PARD3: variants seen among roughly 807,000 people sequenced by gnomAD.
PARD3 encodes the protein partitioning defective 3 homolog.
In PARD3, 75 loss-of-function variants were observed where a neutral mutation model predicts 155.4. The ratio of observed to expected loss-of-function variants is 0.48; its 90% CI spans 0.40 to 0.58. The LOEUF (loss-of-function observed/expected upper bound fraction) is 0.58. Among genes scored for constraint, PARD3 ranks in the 20% least tolerant of loss-of-function variants. The pLI, the probability that PARD3 is intolerant of heterozygous loss-of-function variation, is 0.00. For missense variants in PARD3, 1,642 were observed against 1,721.7 expected, an observed-to-expected ratio of 0.95 and a Z score of 0.82; for synonymous variants, 576 against 610.5, an observed-to-expected ratio of 0.94 and a Z score of 0.83.
At chr10:34,117,548 T>G (rs1471710716) in intron 24 of PARD3, among the ~76,000 whole-genome samples, 1 of 152,208 alleles carries the variant, frequency 6.6e-6, no homozygotes, top group African/African-American at 2.4e-5. Flanking sequence ...ACTGGGTTGA[T>G]TCACACAGTG....
chr10:34,524,923 TGTAGTAACTAATTATTAC>T (rs937382033), intron 2 of PARD3, among the ~76,000 whole-genome samples: 7 of 152,200 alleles, frequency 4.6e-5, no homozygotes, highest in African/African-American at 1.7e-4. Flanking sequence ...AATGCGATGA[TGTAGTAACTAATTATTAC>T]GTAGACACAA....
chr10:34,674,150 T>C (rs1252919625), intron 2 of PARD3, among the ~76,000 whole-genome samples: 2 of 152,200 alleles, frequency 1.3e-5, no homozygotes, highest in Non-Finnish European at 2.9e-5. Flanking sequence ...TATCTGTATT[T>C]CTTCGTTAAC....
intron 5 of PARD3, among the ~76,000 whole-genome samples, chr10:34,413,142 TATACACACAC>T (rs1845275964): frequency 7.5e-6 from 1 of 132,464 alleles, no homozygotes; most frequent in Non-Finnish European, 1.7e-5. Context: ...TTCAGATATA[TATACACACAC>T]ACACACACAC....
At chr10:34,185,829 T>C (rs1453794978) in intron 22 of PARD3, among the ~76,000 whole-genome samples, 2 of 147,958 alleles carry the variant, frequency 1.4e-5, no homozygotes, top group Non-Finnish European at 3.0e-5. Context: ...TATTATATTA[T>C]ATTATATTAT....
intron 2 of PARD3, among the ~76,000 whole-genome samples, chr10:34,657,596 T>C (rs2093209126): frequency 6.6e-6 from 1 of 152,130 alleles, no homozygotes; most frequent in East Asian, 1.9e-4. Context: ...TGGAGTACAG[T>C]GGCACGATCT....
rs61309065 is a variant in PARD3, at chr10:34,120,439, A to T, written c.3541-699T>A. On this transcript the variant is annotated intron_variant, in intron 23 of 24. Coordinates refer to ENST00000374788, the MANE Select transcript of PARD3 (RefSeq NM_001184785.2). ...AGATGTTAATGCCAAAAATAAATAA[A>T]TAAATAAAAATTTGCTACAACTCTC... is the stretch of plus-strand genomic sequence containing the variant. Among the ~76,000 whole-genome samples the T allele has an allele frequency of 4.6e-3, 706 of 152,284 alleles. 4 individuals are homozygous for T. Among genetic ancestry groups the T allele is most frequent in the African/African-American group, 0.016 (675 of 41,548 alleles).
At chr10:34,554,976 A>C (rs2084872510) in intron 2 of PARD3, among the ~76,000 whole-genome samples, 1 of 152,230 alleles carries the variant, frequency 6.6e-6, no homozygotes, top group African/African-American at 2.4e-5. Context: ...AAGGGGATGG[A>C]GGGATGAATG....
intron 22 of PARD3, among the ~76,000 whole-genome samples, chr10:34,235,242 T>C (rs1196293318): frequency 1.3e-5 from 2 of 152,314 alleles, no homozygotes; most frequent in African/African-American, 2.4e-5. Context: ...CTTCTTAAAT[T>C]ACTAGGTTGA....
intron 22 of PARD3, among the ~76,000 whole-genome samples, chr10:34,214,369 T>C (rs1564488473): frequency 1.3e-5 from 2 of 152,216 alleles, no homozygotes; most frequent in South Asian, 4.1e-4. Flanking sequence ...AAAAATTTAA[T>C]AATTCTTCCT....
At chr10:34,602,795 A>G (rs774336614) in intron 2 of PARD3, among the ~76,000 whole-genome samples, 3 of 152,256 alleles carry the variant, frequency 2.0e-5, no homozygotes, top group Non-Finnish European at 2.9e-5. Flanking sequence ...CGTGAAAGTT[A>G]CATAGGTTCA....
intron 22 of PARD3, among the ~76,000 whole-genome samples, chr10:34,217,900 C>T (rs550488747): frequency 7.9e-5 from 12 of 152,146 alleles, no homozygotes; most frequent in South Asian, 2.1e-4. Flanking sequence ...CAGATATTGA[C>T]GGATACCTTA....
chr10:34,455,259 T>A (rs993600413), intron 4 of PARD3, among the ~76,000 whole-genome samples: 3 of 152,180 alleles, frequency 2.0e-5, no homozygotes, highest in Non-Finnish European at 4.4e-5. Flanking sequence ...TACAAAATAC[T>A]CAATGCATAT....
chr10:34,700,392 C>T (rs1045289465), intron 1 of PARD3, among the ~76,000 whole-genome samples: 1 of 152,184 alleles, frequency 6.6e-6, no homozygotes, highest in Non-Finnish European at 1.5e-5. Context: ...GAAAACAGTG[C>T]AAAGTCCTAA....
intron 1 of PARD3, among the ~76,000 whole-genome samples, chr10:34,790,457 C>G (rs1841494295): frequency 6.6e-6 from 1 of 152,154 alleles, no homozygotes; most frequent in Non-Finnish European, 1.5e-5. Context: ...TCTGCTCTCC[C>G]CCTGATAAGG....
Position 34,182,796 on chromosome 10 carries a change from C to T in PARD3, c.3420-51213G>A, listed in dbSNP as rs145495388. Among the ~76,000 whole-genome samples, 441 of 151,182 alleles carry T rather than the reference C, an allele frequency of 2.9e-3. 2 individuals are homozygous for T. Among genetic ancestry groups the T allele is most frequent in the South Asian group, 0.023 (109 of 4,766 alleles). ...ACCAACAGTCCTTTAATCTAACAGG[C>T]CCGATTTAGTGAGACGTAACTATTG... On this transcript the variant is annotated intron_variant, in intron 22 of 24. Transcript: ENST00000374788.
intron 2 of PARD3, among the ~76,000 whole-genome samples, chr10:34,560,765 T>C (rs1433038179): frequency 1.3e-5 from 2 of 152,180 alleles, no homozygotes; most frequent in Non-Finnish European, 1.5e-5. Flanking sequence ...TCATTTTAAG[T>C]CTTTTTCTTT....
chr10:34,142,208 A>T (rs1218858794), intron 22 of PARD3, among the ~76,000 whole-genome samples: 1 of 152,098 alleles, frequency 6.6e-6, no homozygotes, highest in African/African-American at 2.4e-5. Context: ...ATGAGAGAAA[A>T]TGTTTTCGGG....
intron 2 of PARD3, among the ~76,000 whole-genome samples, chr10:34,551,764 G>C (rs1424671195): frequency 6.6e-6 from 1 of 152,204 alleles, no homozygotes; most frequent in Non-Finnish European, 1.5e-5. Flanking sequence ...GAAGGAGAGA[G>C]GAGCAAAGCC....
chr10:34,306,710 C>A (rs1165412160), intron 20 of PARD3, among the ~76,000 whole-genome samples: 1 of 152,136 alleles, frequency 6.6e-6, no homozygotes, highest in Non-Finnish European at 1.5e-5. Context: ...TGAAAGGCTG[C>A]TCTTTGGGGA....
Sources: gnomAD v4.1 joint callset for allele counts (sites outside exome capture counted in the v4.1 genomes callset) on GRCh38, gnomAD v4.1.1 for gene constraint, MANE v1.5 for transcripts, NCBI Gene and HGNC (gene_info 2026-07-23, HGNC 2026-07-21) for gene names.